RMND1: variants seen among roughly 807,000 people sequenced by gnomAD.
The protein encoded by RMND1 is required for meiotic nuclear division 1 homolog, also known as required for meiotic nuclear division protein 1 homolog.
Under a neutral mutation model 54.0 loss-of-function variants are expected in RMND1, and 41 were observed. That is an observed-to-expected ratio of 0.76 (90% confidence interval 0.59 to 0.98). RMND1 has a LOEUF of 0.98. RMND1 is among the 50% of genes least tolerant of loss of function. The pLI is 0.00. For missense variants in RMND1, 457 were observed against 532.0 expected, an observed-to-expected ratio of 0.86 and a Z score of 1.39; for synonymous variants, 183 against 181.7, an observed-to-expected ratio of 1.01 and a Z score of -0.06.
chr6:151,441,951 G>A (rs1473972558), intron 2 of RMND1, among the ~76,000 whole-genome samples: 1 of 152,154 alleles, frequency 6.6e-6, no homozygotes, highest in Non-Finnish European at 1.5e-5. Flanking sequence ...AGTCTTGTGG[G>A]GCTGAGCTTA....
chr6:151,412,751 G>A (rs1779886403), intron 10 of RMND1, among the ~76,000 whole-genome samples: 2 of 152,178 alleles, frequency 1.3e-5, no homozygotes, highest in Non-Finnish European at 2.9e-5. Flanking sequence ...TGAAGGGAGA[G>A]CAGGTACCTT....
At chr6:151,417,595 G>C (rs554555477) in intron 9 of RMND1, among the ~76,000 whole-genome samples, 196 bp from the exon 10 acceptor site, 1 of 151,742 alleles carries the variant, frequency 6.6e-6, no homozygotes, top group Non-Finnish European at 1.5e-5. Context: ...GGCTCAAGCT[G>C]TTCTCCTGCC....
chr6:151,430,714 G>A (rs562171604), intron 4 of RMND1, among the ~76,000 whole-genome samples: 8 of 152,142 alleles, frequency 5.3e-5, no homozygotes, highest in South Asian at 2.1e-4. Context: ...CTCTGAATCC[G>A]ATTATGGCTT....
chr6:151,439,451 A>C (rs868518321), intron 2 of RMND1, among the ~76,000 whole-genome samples: 93 of 152,186 alleles, frequency 6.1e-4, no homozygotes, highest in African/African-American at 2.1e-3. Context: ...TCCCACCCGG[A>C]TTTACATTTG....
chr6:151,416,269 C>T (rs1031002602), intron 10 of RMND1, among the ~76,000 whole-genome samples: 6 of 151,984 alleles, frequency 3.9e-5, no homozygotes, highest in Non-Finnish European at 5.9e-5. Context: ...CATGAGCCAC[C>T]GCACCTGGCA....
At chr6:151,450,632 C>A (rs1367911988) in intron 1 of RMND1, among the ~76,000 whole-genome samples, 1 of 151,002 alleles carries the variant, frequency 6.6e-6, no homozygotes, top group Non-Finnish European at 1.5e-5. Context: ...TGAGGGGCGC[C>A]TCTGCCCGGC....
At position 151,405,905 on chromosome 6, in the gene RMND1, T is replaced by C. The variant is rs1348709811; in HGVS notation, c.1201-69A>G. 8 of 789,914 alleles carry C rather than the reference T, an allele frequency of 1.0e-5. 1 individual carries two copies. Among genetic ancestry groups the C allele is most frequent in the Admixed American group, 8.2e-5 (4 of 48,876 alleles). The allele number at this position is 789,914 out of a possible 1,614,324, so 48.9% of individuals were successfully genotyped here. On this transcript the variant is annotated intron_variant, in intron 10 of 11. Transcript: ENST00000444024. ...TACGGTCATACACATAAAAATTCTA[T>C]AGCTATACAGTGAAAAATCCTGCTC...
chr6:151,434,216 G>C (rs1780533875), intron 3 of RMND1, among the ~76,000 whole-genome samples: 1 of 151,990 alleles, frequency 6.6e-6, no homozygotes, highest in South Asian at 2.1e-4. Flanking sequence ...TTAGTATAGT[G>C]ATATTTATCA....
At chr6:151,438,795 C>CTTT (rs373421938) in intron 2 of RMND1, among the ~76,000 whole-genome samples, 27 of 144,036 alleles carry the variant, frequency 1.9e-4, no homozygotes, top group Non-Finnish European at 2.3e-4. Flanking sequence ...ATGTGTACTA[C>CTTT]TTTTTTTTTT....
chr6:151,449,060 CAAAAAAAAAAAAAAA>C (rs71014585), intron 1 of RMND1, among the ~76,000 whole-genome samples: 2 of 18,662 alleles, frequency 1.1e-4, no homozygotes, highest in South Asian at 4.3e-3. Flanking sequence ...GACTCTGTCT[CAAAAAAAAAAAAAAA>C]AAAAAAAAAA....
chr6:151,412,857 C>T (rs934113218), intron 10 of RMND1, among the ~76,000 whole-genome samples: 1 of 152,172 alleles, frequency 6.6e-6, no homozygotes, highest in Non-Finnish European at 1.5e-5. Flanking sequence ...AGAACAGCAC[C>T]AAGGGGATGG....
intron 6 of RMND1, among the ~76,000 whole-genome samples, chr6:151,426,718 A>G (rs1281519348): frequency 6.6e-6 from 1 of 152,150 alleles, no homozygotes; most frequent in Non-Finnish European, 1.5e-5. Context: ...AATTATGTTT[A>G]TCTTCTAATA....
intron 6 of RMND1, 30 bp downstream of exon 6, chr6:151,427,452 C>A: frequency 7.5e-7 from 1 of 1,329,138 alleles, no homozygotes; most frequent in South Asian, 1.2e-5. Flanking sequence ...CCAAGTGCCC[C>A]TTTCATAAAT....
intron 4 of RMND1, among the ~76,000 whole-genome samples, chr6:151,431,127 C>T (rs1260088200): frequency 1.3e-5 from 2 of 151,832 alleles, no homozygotes; most frequent in African/African-American, 4.8e-5. Context: ...CAGAGGCAGC[C>T]AAATGAGAAA....
intron 10 of RMND1, among the ~76,000 whole-genome samples, chr6:151,410,159 A>G (rs925223477): frequency 1.0e-4 from 15 of 150,326 alleles, no homozygotes; most frequent in African/African-American, 3.2e-4. Flanking sequence ...GGTTCACGCC[A>G]TTCTCCTGCC....
intron 10 of RMND1, chr6:151,411,609 T>G (rs1430322760): frequency 1.3e-5 from 2 of 152,192 alleles, no homozygotes; most frequent in Admixed American, 6.5e-5. Flanking sequence ...TTCACTCAGG[T>G]GGGTATCCTC....
chr6:151,433,176 G>C lies in RMND1; in HGVS notation c.668C>G (p.Pro223Arg). The C allele has an allele frequency of 6.2e-7, 1 of 1,611,466 alleles. No homozygotes were observed. The highest frequency in any genetic ancestry group is 8.5e-7 in the Non-Finnish European group (1 of 1,178,292). ...GVENSAKEGD[P>R]GTIFFFREGA... is the part of the protein sequence containing the mutation. The stretch of plus-strand genomic sequence containing the variant: ...TTACCTGAAGAAGAATATTGTTCCA[G>C]GATCACCTTCTTTTGCAGAATTTTC... The change falls in exon 4 of 12, where the codon CCT becomes CGT. Residue 223 changes from proline (P) to arginine (R), a missense_variant. Transcript: ENST00000444024.
chr6:151,425,442 G>A (rs1582953648), intron 6 of RMND1, among the ~76,000 whole-genome samples: 1 of 150,758 alleles, frequency 6.6e-6, no homozygotes, highest in East Asian at 2.0e-4. Flanking sequence ...GTGTGTGTGT[G>A]GATAAGCGTA....
At chr6:151,439,254 T>G (rs1780701696) in intron 2 of RMND1, among the ~76,000 whole-genome samples, 1 of 152,244 alleles carries the variant, frequency 6.6e-6, no homozygotes, top group East Asian at 1.9e-4. Flanking sequence ...CTTCGCCTAT[T>G]GATGGAATAG....
Sources: allele counts gnomAD v4.1 joint callset (sites outside exome capture counted in the v4.1 genomes callset), GRCh38; gene constraint gnomAD v4.1.1; transcripts MANE v1.5; gene names NCBI Gene and HGNC (gene_info 2026-07-23, HGNC 2026-07-21).